Variants in THADA observed in about 807,000 individuals in gnomAD.
THADA encodes the protein tRNA (32-2'-O)-methyltransferase regulator THADA.
Under a neutral mutation model 219.8 loss-of-function variants are expected in THADA, and 213 were observed. The ratio of observed to expected loss-of-function variants is 0.97; its 90% CI spans 0.87 to 1.09. The LOEUF is 1.09. THADA is among the 50% of genes least tolerant of loss of function. THADA has a pLI of 0.00. For synonymous variants in THADA, 1,018 were observed against 828.9 expected, an observed-to-expected ratio of 1.23 and a Z score of -3.92; for missense variants, 2,956 against 2,311.3, an observed-to-expected ratio of 1.28 and a Z score of -5.72.
At chr2:43,248,160 TATATAGAGAGAGAG>T (rs1457132188) in intron 36 of THADA, among the ~76,000 whole-genome samples, 62 of 52,762 alleles carry the variant, frequency 1.2e-3, no homozygotes, top group African/African-American at 1.7e-3. Context: ...TATATATATA[TATATAGAGAGAGAG>T]AGAGAGAGAG....
intron 31 of THADA, among the ~76,000 whole-genome samples, chr2:43,317,527 G>A (rs570024305): frequency 6.6e-6 from 1 of 152,182 alleles, no homozygotes; most frequent in South Asian, 2.1e-4. Context: ...CACCTTATTT[G>A]GTGATATATT....
intron 21 of THADA, among the ~76,000 whole-genome samples, chr2:43,530,351 T>C (rs1210335398): frequency 2.6e-5 from 4 of 152,176 alleles, no homozygotes; most frequent in Non-Finnish European, 4.4e-5. Context: ...TGAACAGAAT[T>C]ATCAAGGCTT....
intron 36 of THADA, among the ~76,000 whole-genome samples, chr2:43,278,386 A>G (rs1180483372): frequency 6.6e-6 from 1 of 152,248 alleles, no homozygotes; most frequent in African/African-American, 2.4e-5. Context: ...AAGAAAATCA[A>G]GCTGGGCTGG....
intron 26 of THADA, among the ~76,000 whole-genome samples, chr2:43,468,961 T>C (rs1179215507): frequency 6.6e-6 from 1 of 152,162 alleles, no homozygotes; most frequent in Non-Finnish European, 1.5e-5. Context: ...GGTCTCCCTA[T>C]CTCAAGATGC....
At chr2:43,547,175 T>C (rs963871663) in intron 20 of THADA, among the ~76,000 whole-genome samples, 135 of 152,200 alleles carry the variant, frequency 8.9e-4, no homozygotes, top group African/African-American at 3.0e-3. Context: ...AAAATTCTTT[T>C]CTTTAAGAAT....
At chr2:43,420,151 C>G (rs540635485) in intron 28 of THADA, among the ~76,000 whole-genome samples, 4 of 152,306 alleles carry the variant, frequency 2.6e-5, no homozygotes, top group Admixed American at 6.5e-5. Flanking sequence ...TGAACTCCCA[C>G]ATTTCTTCCT....
rs905420597 is a variant in THADA, at chr2:43,525,262, G to C, written c.3374+2617C>G. Among the ~76,000 whole-genome samples, 3 of 152,190 alleles carry C rather than the reference G, an allele frequency of 2.0e-5. No homozygotes were observed. In the South Asian group the frequency reaches 6.2e-4, roughly 31 times the overall value. On this transcript the variant is annotated intron_variant, in intron 22 of 37. Transcript: ENST00000405975. ...AACCTCTACTATTCACATTCAGTTG[G>C]TTCATGTGGCAGATGGCGTTTTTCA...
chr2:43,506,440 G>A (rs888252372), intron 23 of THADA, among the ~76,000 whole-genome samples: 3 of 152,134 alleles, frequency 2.0e-5, no homozygotes, highest in African/African-American at 7.2e-5. Context: ...GATGAACTCT[G>A]AAAACATTAC....
At chr2:43,372,293 C>G (rs1435464704) in intron 29 of THADA, 1 of 152,202 alleles carries the variant, frequency 6.6e-6, no homozygotes, top group African/African-American at 2.4e-5. Flanking sequence ...CTAAAACACA[C>G]AAGTACTGTT....
At position 43,278,924 on chromosome 2, in the gene THADA, A is replaced by G. The variant is rs183256705; in HGVS notation, c.5296+841T>C. Among the ~76,000 whole-genome samples the G allele has an allele frequency of 7.9e-5, 12 of 152,272 alleles. No individual in the cohort carries two copies. In the East Asian group the frequency reaches 2.3e-3, roughly 29 times the overall value. Reference sequence around the variant, plus strand: ...TGCTCAGCTTTGATCCCTTGCCTCAAAACAGTGTTCTTGCTTCTCATTGGG... The same window carrying G: ...TGCTCAGCTTTGATCCCTTGCCTCAGAACAGTGTTCTTGCTTCTCATTGGG... On this transcript the variant is annotated intron_variant, in intron 36 of 37. Transcript: ENST00000405975.
intron 28 of THADA, among the ~76,000 whole-genome samples, chr2:43,409,825 G>C (rs909692031): frequency 2.0e-5 from 3 of 151,900 alleles, no homozygotes; most frequent in African/African-American, 7.3e-5. Context: ...TTCGAGACCA[G>C]CCTGGGCAAA....
intron 7 of THADA, 74 bp downstream of exon 7, chr2:43,586,327 T>C (rs1701023820): frequency 7.9e-6 from 10 of 1,262,916 alleles, no homozygotes; most frequent in Non-Finnish European, 1.1e-5. Flanking sequence ...TCTGAGACTT[T>C]TAAATTTTTC....
At chr2:43,415,593 A>T (rs904465114) in intron 28 of THADA, among the ~76,000 whole-genome samples, 1 of 152,180 alleles carries the variant, frequency 6.6e-6, no homozygotes, top group Non-Finnish European at 1.5e-5. Flanking sequence ...GAACTCAGGA[A>T]TATTTATCCA....
intron 12 of THADA, 42 bp downstream of exon 12, chr2:43,572,772 G>A (rs1699437776): frequency 1.3e-6 from 2 of 1,579,308 alleles, no homozygotes; most frequent in East Asian, 4.5e-5. Flanking sequence ...ACATGAAAGG[G>A]ATCTACTGCA....
At chr2:43,300,350 G>A (rs74927059) in intron 31 of THADA, among the ~76,000 whole-genome samples, 4,154 of 152,076 alleles carry the variant, frequency 0.027, 84 homozygotes, top group Middle Eastern at 0.065. Context: ...TGAGCACCTA[G>A]ACAAGATTTA....
At chr2:43,545,105 G>T (rs1186198637) in intron 20 of THADA, among the ~76,000 whole-genome samples, 1 of 152,120 alleles carries the variant, frequency 6.6e-6, no homozygotes, top group Non-Finnish European at 1.5e-5. Context: ...TTTTGTCAAA[G>T]GCCTTTTCTG....
intron 6 of THADA, 107 bp downstream of exon 6, chr2:43,586,595 G>C: frequency 7.3e-7 from 1 of 1,364,804 alleles, no homozygotes; most frequent in Non-Finnish European, 1.0e-6. Context: ...ATGTACCTAA[G>C]TTATCTACAA....
At chr2:43,372,957 C>T (rs1207914626) in intron 29 of THADA, among the ~76,000 whole-genome samples, 1 of 152,018 alleles carries the variant, frequency 6.6e-6, no homozygotes, top group Non-Finnish European at 1.5e-5. Context: ...GCCCAAAGTG[C>T]AGGGATTACA....
At chr2:43,516,581 C>T (rs867426018) in intron 22 of THADA, among the ~76,000 whole-genome samples, 1 of 152,080 alleles carries the variant, frequency 6.6e-6, no homozygotes, top group Non-Finnish European at 1.5e-5. Flanking sequence ...ATATTTCACA[C>T]TAATGTTTAA....
Sources: gnomAD v4.1 joint callset for allele counts (sites outside exome capture counted in the v4.1 genomes callset) on GRCh38, gnomAD v4.1.1 for gene constraint, MANE v1.5 for transcripts, NCBI Gene and HGNC (gene_info 2026-07-23, HGNC 2026-07-21) for gene names.